Variants in C1orf87 observed in about 807,000 individuals in gnomAD.
C1orf87 encodes chromosome 1 open reading frame 87.
A neutral mutation model predicts 60.5 loss-of-function variants in C1orf87; 58 were observed. The observed-to-expected ratio is 0.96, with a 90% CI of 0.78 to 1.19. The LOEUF (loss-of-function observed/expected upper bound fraction) is 1.19. Ranked by LOEUF, C1orf87 falls within the 50% of genes most tolerant of loss-of-function variation. C1orf87 has a pLI of 0.00. For missense variants in C1orf87, 673 were observed against 638.6 expected (o/e 1.05, Z -0.58); for synonymous variants, 236 against 227.4 (o/e 1.04, Z -0.34).
intron 10 of C1orf87, among the ~76,000 whole-genome samples, chr1:60,000,147 G>A (rs1453896731): frequency 6.6e-6 from 1 of 152,144 alleles, no homozygotes; most frequent in Non-Finnish European, 1.5e-5. Flanking sequence ...GAATGAATAA[G>A]TGAATGAATG....
chr1:60,013,864 T>C (rs187269603), intron 8 of C1orf87, among the ~76,000 whole-genome samples: 163 of 152,192 alleles, frequency 1.1e-3, no homozygotes, highest in Middle Eastern at 3.4e-3. Context: ...CTGGTGCACC[T>C]TGGTAGGGCA....
intron 2 of C1orf87, among the ~76,000 whole-genome samples, chr1:60,065,673 T>C (rs546071082): frequency 1.6e-4 from 25 of 152,270 alleles, no homozygotes; most frequent in African/African-American, 6.0e-4. Context: ...ATTCCATATA[T>C]ACATTAATTT....
Position 60,038,017 on chromosome 1 carries a change from C to G in C1orf87, c.838G>C (p.Glu280Gln). ...CTTTGGCTATGAGTGCCATGACTCT[C>G]AGTTTTTCTCAGGTCTGCAGCTGCT... ...NKAAADLRKTESHGTHSQSTP... is the reference protein window; with the variant it reads ...NKAAADLRKTQSHGTHSQSTP... The change falls in exon 6 of 12, where the codon GAG (glutamate) becomes CAG (glutamine). Residue 280 changes from glutamate (E) to glutamine (Q), a missense_variant. Physicochemically the swap from Glu to Gln is conservative, Grantham distance 29 (BLOSUM62 2). Coordinates refer to ENST00000371201, the MANE Select transcript of C1orf87 (RefSeq NM_152377.3). The G allele has an allele frequency of 6.2e-7, 1 of 1,610,182 alleles. No homozygotes were observed. Among genetic ancestry groups the G allele is most frequent in the Non-Finnish European group, 8.5e-7 (1 of 1,177,138 alleles).
chr1:59,992,482 T>C (rs1022472869), intron 11 of C1orf87, among the ~76,000 whole-genome samples: 1 of 152,086 alleles, frequency 6.6e-6, no homozygotes, highest in Non-Finnish European at 1.5e-5. Flanking sequence ...CTGGAACTCC[T>C]GAGCTCAAGC....
chr1:60,015,266 C>T (rs1343012449), intron 8 of C1orf87, among the ~76,000 whole-genome samples: 1 of 152,070 alleles, frequency 6.6e-6, no homozygotes, highest in East Asian at 1.9e-4. Context: ...TCTGCTTTCA[C>T]CATAGGAGGT....
At position 60,040,122 on chromosome 1, in the gene C1orf87, A is replaced by C; in HGVS notation, c.542T>G (p.Val181Gly). The C allele has an allele frequency of 6.2e-7, 1 of 1,614,146 alleles. No individual in the cohort carries two copies. The highest frequency in any genetic ancestry group is 1.7e-5 in the Admixed American group (1 of 60,020). The change falls in exon 5 of 12, where the codon GTC becomes GGC. Residue 181 changes from valine (V) to glycine (G), a missense_variant. Val to Gly is a moderately radical substitution (Grantham distance 109). Transcript: ENST00000371201. The stretch of plus-strand genomic sequence containing the variant: ...AGGACGTGACTTGAGTTCTCTTCTG[A>C]CCAGGGCAAGAAGAAAAGCGTCTTC... ...TNEDAFLLAL[V>G]RRELKSRPLS...
Position 60,001,249 on chromosome 1 carries a change from C to CA in C1orf87, c.1193-94dup, listed in dbSNP as rs1382329869. The CA allele has an allele frequency of 4.6e-5, 39 of 855,870 alleles. No individual in the cohort carries two copies. The African/African-American group carries it at 4.9e-4, about 11-fold the overall frequency. The allele number at this position is 855,870 out of a possible 1,614,324, so 53.0% of individuals were successfully genotyped here. On this transcript the variant is annotated intron_variant, in intron 9 of 11. Coordinates refer to ENST00000371201, the MANE Select transcript of C1orf87 (RefSeq NM_152377.3). ...CACAAGGCAACAACAACAGCAACAACAAAAAAATGGAGGCTTTGCTCTGTG... is the reference window on the plus strand; with the variant it reads ...CACAAGGCAACAACAACAGCAACAACAAAAAAAATGGAGGCTTTGCTCTGTG...
At chr1:60,045,430 T>G (rs983014419) in intron 3 of C1orf87, among the ~76,000 whole-genome samples, 1 of 152,236 alleles carries the variant, frequency 6.6e-6, no homozygotes, top group Non-Finnish European at 1.5e-5. Context: ...TTGACTATTT[T>G]ACTCATATTT....
intron 2 of C1orf87, among the ~76,000 whole-genome samples, chr1:60,056,611 G>T (rs2100321109): frequency 6.6e-6 from 1 of 152,172 alleles, no homozygotes; most frequent in East Asian, 1.9e-4. Context: ...TATATAACGT[G>T]TGTGCCTATT....
intron 8 of C1orf87, among the ~76,000 whole-genome samples, chr1:60,020,035 A>C (rs1273347810): frequency 6.6e-6 from 1 of 152,212 alleles, no homozygotes; most frequent in Non-Finnish European, 1.5e-5. Flanking sequence ...GGCTGCAGAA[A>C]TTTGCATAAG....
At chr1:60,023,358 G>C (rs1412098386) in intron 8 of C1orf87, among the ~76,000 whole-genome samples, 2 of 152,054 alleles carry the variant, frequency 1.3e-5, no homozygotes, top group Non-Finnish European at 2.9e-5. Context: ...ACAAGGCCCA[G>C]TGATGCTCTG....
Position 60,055,456 on chromosome 1 carries a change from T to C in C1orf87, c.108-18A>G. 1 of 1,605,174 alleles carries C rather than the reference T, an allele frequency of 6.2e-7. No homozygotes were observed. Among genetic ancestry groups the C allele is most frequent in the Non-Finnish European group, 8.5e-7 (1 of 1,172,030 alleles). On this transcript the variant is annotated intron_variant, in intron 2 of 11. Coordinates refer to ENST00000371201, the MANE Select transcript of C1orf87 (RefSeq NM_152377.3). ...TCTCCTTGCTGTGAAGAAAGAATTG[T>C]ATACTTTGTTACTTACAGGCAGACT...
At chr1:60,054,354 C>G (rs1036243640) in intron 3 of C1orf87, among the ~76,000 whole-genome samples, 1 of 152,166 alleles carries the variant, frequency 6.6e-6, no homozygotes, top group South Asian at 2.1e-4. Flanking sequence ...TTCTTATGAG[C>G]AGAAGATCAC....
intron 10 of C1orf87, among the ~76,000 whole-genome samples, chr1:59,998,949 A>G (rs1391272289): frequency 6.6e-6 from 1 of 152,148 alleles, no homozygotes; most frequent in Non-Finnish European, 1.5e-5. Flanking sequence ...TTAAGCTAGT[A>G]GAGTTGGTTT....
intron 10 of C1orf87, 74 bp downstream of exon 10, chr1:60,001,003 C>T: frequency 8.2e-7 from 1 of 1,215,708 alleles, no homozygotes; most frequent in Non-Finnish European, 1.2e-6. Context: ...GGAGAGAGCC[C>T]CATCCAGCAT....
intron 2 of C1orf87, among the ~76,000 whole-genome samples, chr1:60,065,005 AATATATATTAAATATATATATTTAATAT>A (rs1645533337): frequency 2.5e-5 from 1 of 39,834 alleles, no homozygotes; most frequent in Non-Finnish European, 5.4e-5. Context: ...ATAAATATTA[AATATATATTAAATATATATATTTAATAT>A]ATATATTTAA....
At chr1:60,064,366 T>C (rs1216632009) in intron 2 of C1orf87, among the ~76,000 whole-genome samples, 1 of 142,272 alleles carries the variant, frequency 7.0e-6, no homozygotes, top group Admixed American at 7.5e-5. Context: ...ATATAATATA[T>C]ATATACACAC....
At chr1:60,014,240 G>A (rs1645110041) in intron 8 of C1orf87, among the ~76,000 whole-genome samples, 1 of 152,090 alleles carries the variant, frequency 6.6e-6, no homozygotes, top group South Asian at 2.1e-4. Flanking sequence ...TAATTTTCTG[G>A]TTGGTCAAGA....
rs554423131 is a variant in C1orf87 at position 60,029,503 on chromosome 1, C to T, written c.1029+3973G>A. Among the ~76,000 whole-genome samples the T allele has an allele frequency of 2.6e-5, 4 of 152,166 alleles. No individual in the cohort carries two copies. The South Asian group carries it at 6.2e-4, about 24-fold the overall frequency. ...CTTAGAAAGACCCTTCATAAACTGG[C>T]TCCTACTTTCCATTCTAAAGTTGAC... On this transcript the variant is annotated intron_variant, in intron 7 of 11. Transcript: ENST00000371201.
Sources: gnomAD v4.1 joint callset for allele counts (sites outside exome capture counted in the v4.1 genomes callset) on GRCh38, gnomAD v4.1.1 for gene constraint, MANE v1.5 for transcripts, NCBI Gene and HGNC (gene_info 2026-07-23, HGNC 2026-07-21) for gene names.